Variants in PKNOX2 observed in about 807,000 individuals in gnomAD.
PKNOX2 encodes the protein homeobox protein PKNOX2.
Under a neutral mutation model 53.1 loss-of-function variants are expected in PKNOX2, and 14 were observed. That is an observed-to-expected ratio of 0.26 (90% CI 0.17 to 0.41). The LOEUF (loss-of-function observed/expected upper bound fraction) is 0.41, where lower values mean the gene tolerates loss of function less well. PKNOX2 is among the 10% of genes least tolerant of loss of function. The pLI, the probability that PKNOX2 is intolerant of heterozygous loss-of-function variation, is 1.00. For synonymous variants in PKNOX2, 257 were observed against 242.8 expected, an observed-to-expected ratio of 1.06 and a Z score of -0.54; for missense variants, 496 against 602.8, an observed-to-expected ratio of 0.82 and a Z score of 1.85.
intron 1 of PKNOX2, among the ~76,000 whole-genome samples, chr11:125,200,525 C>T (rs1938314598): frequency 6.6e-6 from 1 of 152,198 alleles, no homozygotes; most frequent in Non-Finnish European, 1.5e-5. Context: ...TCTCCATGCA[C>T]CATGCCGCCC....
intron 10 of PKNOX2, among the ~76,000 whole-genome samples, chr11:125,413,953 A>G (rs1316067128): frequency 6.6e-6 from 1 of 152,134 alleles, no homozygotes; most frequent in African/African-American, 2.4e-5. Flanking sequence ...CTTCCCCTTC[A>G]CTACTTTCCA....
At chr11:125,356,345 T>C (rs553127213) in intron 4 of PKNOX2, among the ~76,000 whole-genome samples, 2 of 152,280 alleles carry the variant, frequency 1.3e-5, no homozygotes, top group South Asian at 4.2e-4. Flanking sequence ...GACTTGATGA[T>C]GAGTGGCATT....
chr11:125,349,352 G>C (rs1951171869), intron 3 of PKNOX2, among the ~76,000 whole-genome samples: 1 of 151,968 alleles, frequency 6.6e-6, no homozygotes, highest in Non-Finnish European at 1.5e-5. Context: ...TGCCTGAAGA[G>C]AGAGGCTCCC....
intron 2 of PKNOX2, among the ~76,000 whole-genome samples, chr11:125,325,577 G>A (rs905186753): frequency 2.0e-5 from 3 of 152,146 alleles, no homozygotes; most frequent in Non-Finnish European, 4.4e-5. Flanking sequence ...AGTTATTATT[G>A]CTATCATTGT....
At chr11:125,393,954 C>T (rs1313065790) in intron 6 of PKNOX2, among the ~76,000 whole-genome samples, 2 of 151,970 alleles carry the variant, frequency 1.3e-5, no homozygotes, top group East Asian at 1.9e-4. Context: ...GGCTTCATAT[C>T]GCTCACCAGT....
chr11:125,308,684 T>C (rs982937450), intron 2 of PKNOX2, among the ~76,000 whole-genome samples: 6 of 135,954 alleles, frequency 4.4e-5, no homozygotes, highest in African/African-American at 1.9e-4. Context: ...TCACCTGGTT[T>C]AACTGCCGTG....
chr11:125,167,044 G>A (rs1299775073), intron 1 of PKNOX2, among the ~76,000 whole-genome samples: 3 of 152,024 alleles, frequency 2.0e-5, no homozygotes, highest in African/African-American at 4.8e-5. Flanking sequence ...TGGTGGAAGC[G>A]GGGAGGGAGG....
intron 7 of PKNOX2, among the ~76,000 whole-genome samples, chr11:125,398,681 G>A (rs1419579896): frequency 1.4e-5 from 2 of 146,186 alleles, no homozygotes; most frequent in Admixed American, 1.4e-4. Context: ...CAGAAATGCT[G>A]ACTACACGCT....
chr11:125,323,673 G>A (rs776900597), intron 2 of PKNOX2, among the ~76,000 whole-genome samples: 2 of 152,152 alleles, frequency 1.3e-5, no homozygotes, highest in African/African-American at 2.4e-5. Flanking sequence ...GGGGAAAATC[G>A]CAATTTCTCC....
chr11:125,408,724 G>A (rs1393773969), intron 7 of PKNOX2, among the ~76,000 whole-genome samples: 1 of 152,120 alleles, frequency 6.6e-6, no homozygotes, highest in Non-Finnish European at 1.5e-5. Flanking sequence ...TGTTGTCAGG[G>A]TCTGGGAGGA....
chr11:125,225,720 C>T (rs1310105021), intron 1 of PKNOX2, among the ~76,000 whole-genome samples: 1 of 152,196 alleles, frequency 6.6e-6, no homozygotes, highest in African/African-American at 2.4e-5. Flanking sequence ...GTGCTGTTTT[C>T]CCCTGATGCA....
At position 125,243,747 on chromosome 11, in the gene PKNOX2, C is replaced by T. The variant is rs1236833579; in HGVS notation, c.-130+8632C>T. Among the ~76,000 whole-genome samples the T allele has an allele frequency of 3.3e-5, 5 of 152,060 alleles. No individual in the cohort carries two copies. In the East Asian group the frequency reaches 5.8e-4, roughly 18 times the overall value. On this transcript the variant is annotated intron_variant, in intron 2 of 12. Coordinates refer to ENST00000298282, the MANE Select transcript of PKNOX2 (RefSeq NM_001382323.2). Reference sequence around the variant, plus strand: ...ATGCCGTTCTCCTGCCTCAGCCTCCCGAGTAGCTGGGACTACAGGTGCCCG... The same window carrying T: ...ATGCCGTTCTCCTGCCTCAGCCTCCTGAGTAGCTGGGACTACAGGTGCCCG...
chr11:125,340,901 T>C (rs1468336516), intron 3 of PKNOX2, among the ~76,000 whole-genome samples: 2 of 151,458 alleles, frequency 1.3e-5, no homozygotes, highest in African/African-American at 4.9e-5. Context: ...AATACAAAAA[T>C]TAGCCAGGCG....
In PKNOX2 at chr11:125,367,850, C is replaced by T. The variant is rs751068858; in HGVS notation, c.92C>T (p.Thr31Met). 2.4e-5 allele frequency: 39 copies of T among 1,610,580 alleles called. No homozygotes were observed. Among genetic ancestry groups the T allele is most frequent in the Non-Finnish European group, 3.1e-5 (37 of 1,178,870 alleles). ...PPPYQDSPQM[T>M]ATAQPPSKAQ... is the part of the protein sequence containing the mutation. ...TCCCCTTTCTTCTCTCTGCAGATGA[C>T]GGCAACCGCCCAGCCACCCTCCAAG... Residue 31 changes from threonine (T) to methionine (M), a missense_variant, in exon 5 of 13, where the codon ACG (threonine) becomes ATG (methionine). Coordinates refer to ENST00000298282, the MANE Select transcript of PKNOX2 (RefSeq NM_001382323.2).
chr11:125,405,819 G>T (rs1955055051), intron 7 of PKNOX2, among the ~76,000 whole-genome samples: 1 of 152,194 alleles, frequency 6.6e-6, no homozygotes, highest in Non-Finnish European at 1.5e-5. Context: ...TTCCAGGGGT[G>T]CCCATGGAGC....
chr11:125,200,043 A>G lies in PKNOX2; in HGVS notation c.-200-35002A>G, dbSNP rs550747262. On this transcript the variant is annotated intron_variant, in intron 1 of 12. Coordinates refer to ENST00000298282, the MANE Select transcript of PKNOX2 (RefSeq NM_001382323.2). The stretch of plus-strand genomic sequence containing the variant: ...CTGTCCTCTGTGATTCCACTTTCCC[A>G]TCTATAGACAGTGACACCAGTGGCC... 5.9e-5 allele frequency among the ~76,000 whole-genome samples: 9 copies of G among 152,076 alleles called. No homozygotes were observed. In the South Asian group the frequency reaches 8.3e-4, roughly 14 times the overall value.
intron 6 of PKNOX2, among the ~76,000 whole-genome samples, chr11:125,393,358 C>T (rs1293085125): frequency 6.6e-6 from 1 of 152,022 alleles, no homozygotes; most frequent in Non-Finnish European, 1.5e-5. Flanking sequence ...TACATTAAGG[C>T]GGGAGAGATT....
chr11:125,369,480 G>T (rs1052313584), intron 5 of PKNOX2, among the ~76,000 whole-genome samples: 1 of 152,180 alleles, frequency 6.6e-6, no homozygotes, highest in Admixed American at 6.5e-5. Context: ...TCCTATGTGG[G>T]GGGCTGTGCT....
intron 7 of PKNOX2, among the ~76,000 whole-genome samples, chr11:125,409,403 GTC>G (rs1377125786): frequency 1.3e-5 from 2 of 152,320 alleles, no homozygotes; most frequent in Admixed American, 6.5e-5. Flanking sequence ...GGAGAGGAGA[GTC>G]TGTTTCCAGT....
Sources: gnomAD v4.1 joint callset for allele counts (sites outside exome capture counted in the v4.1 genomes callset) on GRCh38, gnomAD v4.1.1 for gene constraint, MANE v1.5 for transcripts, NCBI Gene and HGNC (gene_info 2026-07-23, HGNC 2026-07-21) for gene names.